LPA: variants seen among roughly 807,000 people sequenced by gnomAD.
The protein encoded by LPA is lipoprotein(a).
Under a neutral mutation model 197.9 loss-of-function variants are expected in LPA, and 199 were observed. That is an observed-to-expected ratio of 1.01 (90% CI 0.90 to 1.13). The LOEUF is 1.13. Ranked by LOEUF, LPA falls within the 50% of genes most tolerant of loss-of-function variation. The pLI, the probability that LPA is intolerant of heterozygous loss-of-function variation, is 0.00. For missense variants in LPA, 1,853 were observed against 1,785.8 expected (o/e 1.04, Z -0.68); for synonymous variants, 715 against 639.5 (o/e 1.12, Z -1.78).
rs758000323 is a variant in LPA at position 160,589,657 on chromosome 6, ACT to A, written c.3841_3842del (p.Ser1281LeufsTer48). The A allele has an allele frequency of 9.3e-6, 15 of 1,613,876 alleles. No individual in the cohort carries two copies. In the African/African-American group the frequency reaches 1.7e-4, roughly 19 times the overall value. Reference protein sequence around the residue: ...VQDCYHGDGQSYRGSFSTTVT... With the variant: ...VQDCYHGDGQXYRGSFSTTVT... The stretch of plus-strand genomic sequence containing the variant: ...CAGTGGTGGAGAATGAGCCTCGATA[ACT>A]CTGTCCATCACCATGGTAGCAGTCC... On this transcript the variant is annotated frameshift_variant, in exon 24 of 39. Transcript: ENST00000316300. LOFTEE classifies it high-confidence loss of function.
chr6:160,578,800 G>A, intron 26 of LPA, 96 bp from the exon 27 acceptor site: 2 of 1,570,870 alleles, frequency 1.3e-6, no homozygotes, highest in South Asian at 1.1e-5. Context: ...GTGTTAACAA[G>A]TGCCTTTGAA....
At chr6:160,558,972 T>C (rs537779199) in intron 28 of LPA, among the ~76,000 whole-genome samples, 1 of 152,358 alleles carries the variant, frequency 6.6e-6, no homozygotes, top group East Asian at 1.9e-4. Context: ...AGCAACTGGA[T>C]GTGCTAAAAG....
chr6:160,635,004 A>G, intron 7 of LPA, 119 bp downstream of exon 7: 1 of 1,507,788 alleles, frequency 6.6e-7, no homozygotes, highest in Non-Finnish European at 9.1e-7. Context: ...CCAACATGGC[A>G]GAACTCCGGC....
At chr6:160,565,118 G>A (rs1778428361) in intron 28 of LPA, among the ~76,000 whole-genome samples, 1 of 152,216 alleles carries the variant, frequency 6.6e-6, no homozygotes, top group South Asian at 2.1e-4. Flanking sequence ...TGAACAAAAG[G>A]CAGCAGAAAC....
chr6:160,600,000 G>T (rs1163476576), intron 19 of LPA, among the ~76,000 whole-genome samples: 2 of 152,176 alleles, frequency 1.3e-5, no homozygotes, highest in Admixed American at 1.3e-4. Flanking sequence ...TAGAAGAAAG[G>T]GTGATGCATT....
intron 20 of LPA, among the ~76,000 whole-genome samples, chr6:160,595,911 C>A (rs1031100923): frequency 6.6e-6 from 1 of 152,172 alleles, no homozygotes; most frequent in Non-Finnish European, 1.5e-5. Context: ...ACCCTCCTTC[C>A]ACCTTCTGTG....
At chr6:160,597,024 G>T (rs527759673) in intron 20 of LPA, among the ~76,000 whole-genome samples, 1 of 152,172 alleles carries the variant, frequency 6.6e-6, no homozygotes, top group South Asian at 2.1e-4. Context: ...ACTTTATTCT[G>T]GGAGAATAAA....
At chr6:160,656,563 C>T (rs994283505) in intron 1 of LPA, among the ~76,000 whole-genome samples, 15 of 152,316 alleles carry the variant, frequency 9.8e-5, no homozygotes, top group Non-Finnish European at 1.3e-4. Context: ...CTGGAATCAA[C>T]GTCAGCTCAG....
rs370249070 is a variant in LPA at position 160,545,442 on chromosome 6, C to G, written c.5396G>C (p.Cys1799Ser). The G allele has an allele frequency of 2.5e-6, 4 of 1,594,638 alleles. No homozygotes were observed. In the African/African-American group the frequency reaches 5.4e-5, roughly 21 times the overall value. Residue 1799 changes from cysteine to serine, a missense_variant and splice_region_variant, in exon 33 of 39, where the codon TGT (cysteine) becomes TCT (serine). This residue lies in a region of LPA where 1,737 missense variants were observed against 1,504.4 expected (regional missense o/e 1.15). Transcript: ENST00000316300. ...TACCAAAACAGAAGGCAACTTACCA[C>G]AGAGAGGGATATCACAGTAGTCAAA... ...KLFDYCDIPL[C>S]ASSSFDCGKP...
chr6:160,581,010 T>G (rs1316529447), intron 26 of LPA, among the ~76,000 whole-genome samples: 1 of 152,186 alleles, frequency 6.6e-6, no homozygotes, highest in East Asian at 1.9e-4. Flanking sequence ...GATACTATAC[T>G]TTTTCATAGC....
At chr6:160,557,690 T>G (rs1344446025) in intron 28 of LPA, 119 bp from the exon 29 acceptor site, 1 of 848,250 alleles carries the variant, frequency 1.2e-6, no homozygotes, top group Non-Finnish European at 2.0e-6. Context: ...ATTCCCATTT[T>G]AGGTACAATA....
chr6:160,571,135 T>A (rs973998218), intron 28 of LPA, among the ~76,000 whole-genome samples: 1 of 152,174 alleles, frequency 6.6e-6, no homozygotes, highest in Non-Finnish European at 1.5e-5. Context: ...ATCTCTGATA[T>A]CCTTTCTTCC....
chr6:160,661,314 C>T (rs1315829084), intron 1 of LPA, among the ~76,000 whole-genome samples: 1 of 147,238 alleles, frequency 6.8e-6, no homozygotes, highest in Non-Finnish European at 1.5e-5. Flanking sequence ...ACTAGAAGAG[C>T]AGTGGGGGTG....
chr6:160,655,274 C>T (rs1292832650), intron 1 of LPA, among the ~76,000 whole-genome samples: 1 of 152,152 alleles, frequency 6.6e-6, no homozygotes, highest in Non-Finnish European at 1.5e-5. Context: ...AGTGGCAGGG[C>T]CTTGCTCCAA....
chr6:160,653,578 TAGCCAAAG>T (rs1221215300), intron 1 of LPA, among the ~76,000 whole-genome samples: 1 of 151,868 alleles, frequency 6.6e-6, no homozygotes, highest in Non-Finnish European at 1.5e-5. Context: ...GAGAGATTCC[TAGCCAAAG>T]TATACCAGTC....
intron 28 of LPA, among the ~76,000 whole-genome samples, chr6:160,564,293 G>A (rs1440072089): frequency 1.3e-5 from 2 of 152,160 alleles, no homozygotes; most frequent in Admixed American, 1.3e-4. Flanking sequence ...TTGCTTGTTT[G>A]TAAAGGATTT....
At chr6:160,634,412 C>A (rs1044575618) in intron 7 of LPA, among the ~76,000 whole-genome samples, 1 of 115,866 alleles carries the variant, frequency 8.6e-6, no homozygotes, top group African/African-American at 3.8e-5. Context: ...AAGGCAAAGA[C>A]ACTTTGCTTC....
At chr6:160,548,412 T>C in intron 31 of LPA, 66 bp downstream of exon 31, 2 of 1,545,804 alleles carry the variant, frequency 1.3e-6, no homozygotes, top group Non-Finnish European at 8.9e-7. Flanking sequence ...TTTCATGTCT[T>C]TTCATCCCGT....
chr6:160,573,793 G>A (rs528699724), intron 28 of LPA, among the ~76,000 whole-genome samples: 1 of 152,308 alleles, frequency 6.6e-6, no homozygotes, highest in South Asian at 2.1e-4. Flanking sequence ...GGGTCTCTCA[G>A]CTGTGGATAC....
Sources: allele counts gnomAD v4.1 joint callset (sites outside exome capture counted in the v4.1 genomes callset), GRCh38; gene constraint gnomAD v4.1.1; regional missense constraint gnomAD v4.1.1; transcripts MANE v1.5; gene names NCBI Gene and HGNC (gene_info 2026-07-23, HGNC 2026-07-21).